CAMSAP1: variants seen among roughly 807,000 people sequenced by gnomAD.
The protein encoded by CAMSAP1 is calmodulin regulated spectrin associated protein 1, also known as calmodulin-regulated spectrin-associated protein 1.
Under a neutral mutation model 143.5 loss-of-function variants are expected in CAMSAP1, and 58 were observed. The observed-to-expected ratio is 0.40, with a 90% CI of 0.33 to 0.50. CAMSAP1 has a LOEUF of 0.50. Among genes scored for constraint, CAMSAP1 ranks in the 20% least tolerant of loss-of-function variants. The pLI is 0.45. For synonymous variants in CAMSAP1, 945 were observed against 859.3 expected (o/e 1.10, Z -1.74); for missense variants, 1,969 against 2,115.7 (o/e 0.93, Z 1.36).
intron 1 of CAMSAP1, among the ~76,000 whole-genome samples, chr9:135,900,660 A>G (rs1564464549): frequency 6.6e-6 from 1 of 151,864 alleles, no homozygotes; most frequent in Non-Finnish European, 1.5e-5. Context: ...ATGCCACTGC[A>G]CTCCAGCCTG....
chr9:135,831,418 G>A (rs1329571516), intron 7 of CAMSAP1, among the ~76,000 whole-genome samples: 1 of 151,890 alleles, frequency 6.6e-6, no homozygotes, highest in African/African-American at 2.4e-5. Flanking sequence ...AGGACTGCTT[G>A]AGGCCAGGAG....
rs1386602361 is a variant in CAMSAP1 at position 135,811,954 on chromosome 9, C to T, written c.4507-343G>A. Among the ~76,000 whole-genome samples the T allele has an allele frequency of 1.3e-5, 2 of 152,224 alleles. No individual in the cohort carries two copies. Among genetic ancestry groups the T allele is most frequent in the Admixed American group, 1.3e-4 (2 of 15,290 alleles). On this transcript the variant is annotated intron_variant, in intron 16 of 16. Transcript: ENST00000389532. The surrounding 1 kb of genome is among the most constrained non-coding windows in gnomAD (Gnocchi z 4.9). ...CACAAGGACGGCTGGAACCCAGAAG[C>T]AGGGCGGTAACGAGTGCTGGCGAGC...
intron 5 of CAMSAP1, among the ~76,000 whole-genome samples, chr9:135,858,434 A>C (rs1837055329): frequency 1.3e-5 from 2 of 152,102 alleles, no homozygotes; most frequent in Admixed American, 1.3e-4. Context: ...AGTGAGCAAA[A>C]CAGGTAAAAC....
In CAMSAP1 at chr9:135,882,549, T is replaced by C. The variant is rs1349502314; in HGVS notation, c.423+267A>G. Among the ~76,000 whole-genome samples the C allele has an allele frequency of 6.6e-6, 1 of 152,230 alleles. No individual in the cohort carries two copies. The highest frequency in any genetic ancestry group is 2.4e-5 in the African/African-American group (1 of 41,462). ...AAAAAGTCTGCTTCAAGTATTTTTA[T>C]TAACAGGCCTCACTCCAATCTCAGC... On this transcript the variant is annotated intron_variant, in intron 2 of 16. Coordinates refer to ENST00000389532, the MANE Select transcript of CAMSAP1 (RefSeq NM_015447.4). The surrounding 1 kb of genome is among the most constrained non-coding windows in gnomAD (Gnocchi z 4.9).
At chr9:135,827,325 T>G (rs1835710050) in intron 8 of CAMSAP1, 82 bp downstream of exon 8, 1 of 1,287,150 alleles carries the variant, frequency 7.8e-7, no homozygotes, top group South Asian at 2.2e-5. Flanking sequence ...TTAAAAAAGG[T>G]AACTTCAATT....
intron 4 of CAMSAP1, among the ~76,000 whole-genome samples, chr9:135,863,481 C>T (rs1035129191): frequency 2.6e-5 from 4 of 152,092 alleles, no homozygotes; most frequent in African/African-American, 7.2e-5. Flanking sequence ...GGAAAATACA[C>T]GATACAAACT....
chr9:135,811,075 C>T lies in CAMSAP1; in HGVS notation c.*234G>A, dbSNP rs1835033062. 2 of 567,918 alleles carry T rather than the reference C, an allele frequency of 3.5e-6. No homozygotes were observed. The highest frequency in any genetic ancestry group is 3.1e-5 in the Admixed American group (1 of 32,096). The allele number at this position is 567,918 out of a possible 1,614,324, so 35.2% of individuals were successfully genotyped here. ...GCAGTGCGAGCCACTGCAAAAGCGGCATCTACTCCCCCATCCTCACCCTGC... is the reference window on the plus strand; with the variant it reads ...GCAGTGCGAGCCACTGCAAAAGCGGTATCTACTCCCCCATCCTCACCCTGC... On this transcript the variant is annotated 3_prime_UTR_variant, in exon 17 of 17. Transcript: ENST00000389532. This position sits in a 1 kb window ranked among gnomAD's most constrained non-coding sequence, Gnocchi z 4.9.
rs567566127 is a variant in CAMSAP1 at position 135,882,656 on chromosome 9, A to G, written c.423+160T>C. Among the ~76,000 whole-genome samples, 2 of 152,336 alleles carry G rather than the reference A, an allele frequency of 1.3e-5. No individual in the cohort carries two copies. The highest frequency in any genetic ancestry group is 2.4e-5 in the African/African-American group (1 of 41,582). Reference sequence around the variant, plus strand: ...TTCTCCACAACAGTCATGTGCTTTAAAAGATATGCAGTTTCCTAAGGAACG... The same window carrying G: ...TTCTCCACAACAGTCATGTGCTTTAGAAGATATGCAGTTTCCTAAGGAACG... On this transcript the variant is annotated intron_variant, in intron 2 of 16. Coordinates refer to ENST00000389532, the MANE Select transcript of CAMSAP1 (RefSeq NM_015447.4). The surrounding 1 kb of genome is among the most constrained non-coding windows in gnomAD (Gnocchi z 4.9).
chr9:135,812,388 C>G (rs920297660), intron 16 of CAMSAP1, among the ~76,000 whole-genome samples: 1 of 152,034 alleles, frequency 6.6e-6, no homozygotes, highest in Non-Finnish European at 1.5e-5. Flanking sequence ...CAGAGCATCA[C>G]GCTAAGTGAA....
chr9:135,846,744 AAAG>A (rs1836570301), intron 7 of CAMSAP1, among the ~76,000 whole-genome samples: 1 of 152,164 alleles, frequency 6.6e-6, no homozygotes, highest in South Asian at 2.1e-4. Context: ...GCACTTCTCA[AAAG>A]AAGACATATA....
In CAMSAP1 at chr9:135,866,514, ATC is replaced by A; in HGVS notation, c.606_607del (p.Glu202AspfsTer7). On this transcript the variant is annotated frameshift_variant, in exon 4 of 17. Transcript: ENST00000389532. LOFTEE classifies it high-confidence loss of function. ...TTTTAATTTAACTTCTTTCTCTGTT[ATC>A]TCTCTCATTTTAAGATTTACCTAAA... The A allele has an allele frequency of 6.9e-7, 1 of 1,458,278 alleles. No individual in the cohort carries two copies. The highest frequency in any genetic ancestry group is 9.4e-7 in the Non-Finnish European group (1 of 1,062,190). The allele number at this position is 1,458,278 out of a possible 1,614,324, so 90.3% of individuals were successfully genotyped here.
At chr9:135,844,061 C>T (rs2131724529) in intron 7 of CAMSAP1, among the ~76,000 whole-genome samples, 1 of 151,946 alleles carries the variant, frequency 6.6e-6, no homozygotes, top group Non-Finnish European at 1.5e-5. Flanking sequence ...AGAAAATTAA[C>T]AATACTCAGG....
chr9:135,891,262 C>A (rs1405242729), intron 1 of CAMSAP1, among the ~76,000 whole-genome samples: 1 of 152,214 alleles, frequency 6.6e-6, no homozygotes, highest in Non-Finnish European at 1.5e-5. Context: ...GCAGCAGAAA[C>A]AGGGAAGCCT....
intron 5 of CAMSAP1, among the ~76,000 whole-genome samples, chr9:135,861,083 G>T (rs1837169250): frequency 6.6e-6 from 1 of 152,124 alleles, no homozygotes; most frequent in African/African-American, 2.4e-5. Flanking sequence ...CAGAGCCAAG[G>T]GCATCTGTCA....
At chr9:135,828,365 G>A (rs985776312) in intron 7 of CAMSAP1, among the ~76,000 whole-genome samples, 1 of 152,210 alleles carries the variant, frequency 6.6e-6, no homozygotes, top group Non-Finnish European at 1.5e-5. Context: ...AAGGACGAGC[G>A]GGTGGCGGCT....
chr9:135,813,963 C>T (rs1247541663), intron 16 of CAMSAP1, among the ~76,000 whole-genome samples: 1 of 152,254 alleles, frequency 6.6e-6, no homozygotes, highest in African/African-American at 2.4e-5. Flanking sequence ...TGTCTTCTCC[C>T]TCTTCACCCA....
Position 135,836,081 on chromosome 9 carries a change from G to A in CAMSAP1, c.1046-8497C>T, listed in dbSNP as rs1002926595. The A allele has an allele frequency of 8.1e-6, 8 of 983,636 alleles. No homozygotes were observed. The African/African-American group carries it at 1.4e-4, about 17-fold the overall frequency. The allele number at this position is 983,636 out of a possible 1,614,324, so 60.9% of individuals were successfully genotyped here. A position where few individuals can be genotyped will look rare whatever the true frequency, so the allele number is the denominator to read the frequency against. ...AGCTTCTCTTATCCGACCAGGGGCA[G>A]AAACTTCGGAAAGAGAGCTGCCAAA... On this transcript the variant is annotated intron_variant, in intron 7 of 16. Coordinates refer to ENST00000389532, the MANE Select transcript of CAMSAP1 (RefSeq NM_015447.4).
At chr9:135,906,208 A>C (rs1564466962) in intron 1 of CAMSAP1, among the ~76,000 whole-genome samples, 1 of 152,238 alleles carries the variant, frequency 6.6e-6, no homozygotes, top group Non-Finnish European at 1.5e-5. Context: ...TGTCTCCTTT[A>C]GTCTTACTCT....
Position 135,822,924 on chromosome 9 carries a change from C to A in CAMSAP1, c.1737G>T (p.Gln579His), listed in dbSNP as rs753710711. The A allele has an allele frequency of 6.2e-7, 1 of 1,613,876 alleles. No individual in the cohort carries two copies. The highest frequency in any genetic ancestry group is 2.2e-5 in the East Asian group (1 of 44,880). The change falls in exon 11 of 17, where the codon CAG (glutamine) becomes CAT (histidine). Residue 579 changes from glutamine (Q) to histidine (H), a missense_variant. By Grantham distance (24) the Gln-to-His change is conservative. Transcript: ENST00000389532. This position sits in a 1 kb window ranked among gnomAD's most constrained non-coding sequence, Gnocchi z 6.1. ...CAGGCTTACTTTCCGAGGTGTCCAG[C>A]TGTCCTTGGGGAGACCGGGCATTTG... is the stretch of plus-strand genomic sequence containing the variant. The part of the protein sequence containing the change: ...LTANARSPQG[Q>H]LDTSESKPDS...
Sources: allele counts gnomAD v4.1 joint callset (sites outside exome capture counted in the v4.1 genomes callset), GRCh38; gene constraint gnomAD v4.1.1; non-coding constraint Gnocchi (gnomAD v3.1); transcripts MANE v1.5; gene names NCBI Gene and HGNC (gene_info 2026-07-23, HGNC 2026-07-21).